GRIN3A: variants seen among roughly 807,000 people sequenced by gnomAD.
GRIN3A encodes glutamate ionotropic receptor NMDA type subunit 3A.
In GRIN3A, 47 loss-of-function variants were observed where a neutral mutation model predicts 92.4. The observed-to-expected ratio is 0.51, with a 90% CI of 0.40 to 0.65. The LOEUF (loss-of-function observed/expected upper bound fraction) is 0.65. Ranked by LOEUF, GRIN3A falls within the 30% of genes least tolerant of loss-of-function variation. The pLI, the probability that GRIN3A is intolerant of heterozygous loss-of-function variation, is 0.00. For missense variants in GRIN3A, 1,324 were observed against 1,393.1 expected, an observed-to-expected ratio of 0.95 and a Z score of 0.79; for synonymous variants, 527 against 540.6, an observed-to-expected ratio of 0.97 and a Z score of 0.35.
chr9:101,731,959 T>C (rs1189626000), intron 1 of GRIN3A, among the ~76,000 whole-genome samples: 1 of 152,228 alleles, frequency 6.6e-6, no homozygotes, highest in African/African-American at 2.4e-5. Flanking sequence ...TTCTTTCTTC[T>C]TGCCTAGTTT....
At chr9:101,687,616 T>C (rs2485533) in intron 1 of GRIN3A, among the ~76,000 whole-genome samples, 64,422 of 152,072 alleles carry the variant, frequency 0.42, 13,885 homozygotes, top group South Asian at 0.47. Context: ...TGTTTCTTTT[T>C]AAAATTAATG....
At chr9:101,720,175 AT>A (rs1317246982) in intron 1 of GRIN3A, among the ~76,000 whole-genome samples, 6 of 152,212 alleles carry the variant, frequency 3.9e-5, no homozygotes, top group Non-Finnish European at 7.3e-5. Context: ...CTGTTGCCAA[AT>A]TAGTACCAAG....
intron 1 of GRIN3A, among the ~76,000 whole-genome samples, chr9:101,719,096 C>A (rs763657699): frequency 6.6e-6 from 1 of 152,090 alleles, no homozygotes; most frequent in Non-Finnish European, 1.5e-5. Flanking sequence ...TACACCGATT[C>A]TCTTTCTGAC....
chr9:101,706,944 T>C (rs924909861), intron 1 of GRIN3A, among the ~76,000 whole-genome samples: 3 of 152,140 alleles, frequency 2.0e-5, no homozygotes, highest in African/African-American at 7.2e-5. Context: ...CACTTTCAAA[T>C]GAAACTCACA....
intron 3 of GRIN3A, among the ~76,000 whole-genome samples, chr9:101,641,792 T>TAAAA (rs10631033): frequency 1.4e-5 from 2 of 141,888 alleles, no homozygotes; most frequent in African/African-American, 5.2e-5. Context: ...ACAATAAAAT[T>TAAAA]AAAAAAAAAA....
chr9:101,619,704 A>G lies in GRIN3A; in HGVS notation c.2614+3614T>C, dbSNP rs574769771. Among the ~76,000 whole-genome samples, 9 of 152,348 alleles carry G rather than the reference A, an allele frequency of 5.9e-5. No individual in the cohort carries two copies. In the South Asian group the frequency reaches 1.2e-3, roughly 21 times the overall value. On this transcript the variant is annotated intron_variant, in intron 5 of 8. Coordinates refer to ENST00000361820, the MANE Select transcript of GRIN3A (RefSeq NM_133445.3). ...TTAAATAATTATTGGAAAGCAAGTA[A>G]AAGAACAAACTCATAAACAGGCAAA...
At chr9:101,734,357 T>C (rs1204610556) in intron 1 of GRIN3A, among the ~76,000 whole-genome samples, 2 of 152,048 alleles carry the variant, frequency 1.3e-5, no homozygotes, top group African/African-American at 4.8e-5. Context: ...TCAAGTGGGG[T>C]TTGAGTGTTG....
intron 6 of GRIN3A, among the ~76,000 whole-genome samples, chr9:101,587,741 G>T (rs988590444): frequency 6.6e-6 from 1 of 152,104 alleles, no homozygotes; most frequent in Non-Finnish European, 1.5e-5. Flanking sequence ...CGATGTTCAA[G>T]AATTTTTTTC....
intron 1 of GRIN3A, among the ~76,000 whole-genome samples, chr9:101,734,864 A>T (rs1830182624): frequency 1.3e-5 from 2 of 152,006 alleles, no homozygotes; most frequent in Admixed American, 1.3e-4. Flanking sequence ...AGTGGCACAC[A>T]ACCAACAAAT....
chr9:101,738,136 T>A lies in GRIN3A; in HGVS notation c.-157A>T, dbSNP rs1486088579. ...TGGAGCGGTCTCTAGGCCATGCAAG[T>A]TGGAGCGTAGCGCGCCTCCGGCAGT... On this transcript the variant is annotated 5_prime_UTR_variant, in exon 1 of 9. Coordinates refer to ENST00000361820, the MANE Select transcript of GRIN3A (RefSeq NM_133445.3). 4.2e-6 allele frequency: 3 copies of A among 721,894 alleles called. No homozygotes were observed. The highest frequency in any genetic ancestry group is 3.5e-5 in the African/African-American group (2 of 57,352). 44.7% of individuals were successfully genotyped at this position (721,894 alleles called of 1,614,324 possible).
At chr9:101,595,055 C>A in intron 6 of GRIN3A, 75 of 745,760 alleles carry the variant, frequency 1.0e-4, no homozygotes, top group Non-Finnish European at 9.4e-5. Context: ...CCTGGTCGAG[C>A]AAAAGGGCAG....
chr9:101,589,128 G>A (rs576135385), intron 6 of GRIN3A, among the ~76,000 whole-genome samples: 2 of 152,068 alleles, frequency 1.3e-5, no homozygotes, highest in South Asian at 2.1e-4. Context: ...GTGCCACCAC[G>A]CCTGGCTGAT....
rs2118952852 is a variant in GRIN3A at position 101,670,894 on chromosome 9, G to T, written c.1518C>A (p.His506Gln). The T allele has an allele frequency of 6.2e-7, 1 of 1,612,164 alleles. No individual in the cohort carries two copies. Among genetic ancestry groups the T allele is most frequent in the East Asian group, 2.2e-5 (1 of 44,808 alleles). Residue 506 changes from histidine to glutamine, a missense_variant, in exon 3 of 9, where the codon CAC (histidine) becomes CAA (glutamine). His to Gln is a conservative substitution (Grantham distance 24, BLOSUM62 0). Transcript: ENST00000361820. ...AGTGTAGCTTACTTGGATGTTGGAA[G>T]TGGGTTTTGTGTCTCTGGGCCTGCT... is the stretch of plus-strand genomic sequence containing the variant. ...WPEQAQRHKT[H>Q]FQHPSKLHLR... is the part of the protein sequence containing the mutation.
chr9:101,584,229 C>G (rs1827922770), intron 6 of GRIN3A, among the ~76,000 whole-genome samples: 1 of 152,162 alleles, frequency 6.6e-6, no homozygotes, highest in Non-Finnish European at 1.5e-5. Context: ...CTCTAGCCCA[C>G]CCCATCTCAC....
chr9:101,715,199 G>GAAA (rs1829928867), intron 1 of GRIN3A, among the ~76,000 whole-genome samples: 1 of 49,704 alleles, frequency 2.0e-5, no homozygotes, highest in African/African-American at 5.1e-5. Context: ...GACAAAAATG[G>GAAA]TAAAAAAAAA....
intron 3 of GRIN3A, among the ~76,000 whole-genome samples, chr9:101,652,181 G>A (rs1343581976): frequency 1.3e-5 from 2 of 152,036 alleles, no homozygotes; most frequent in East Asian, 3.9e-4. Context: ...GAGGTTCAGA[G>A]TATAAGTAAC....
At chr9:101,734,108 T>A (rs1337678) in intron 1 of GRIN3A, among the ~76,000 whole-genome samples, 151,068 of 152,126 alleles carry the variant, frequency 0.99, 75,013 homozygotes, top group East Asian at 1. Flanking sequence ...ATATTTTTTT[T>A]AAAAAATGTG....
intron 1 of GRIN3A, among the ~76,000 whole-genome samples, chr9:101,730,236 C>G (rs1830122166): frequency 6.6e-6 from 1 of 152,162 alleles, no homozygotes; most frequent in African/African-American, 2.4e-5. Flanking sequence ...GACTTCAAAA[C>G]AGCAGATTTC....
Position 101,686,946 on chromosome 9 carries a change from A to C in GRIN3A, c.954T>G (p.Ile318Met). 6.2e-7 allele frequency: 1 copy of C among 1,614,162 alleles called. No homozygotes were observed. Among genetic ancestry groups the C allele is most frequent in the Non-Finnish European group, 8.5e-7 (1 of 1,180,034 alleles). Residue 318 changes from isoleucine (I) to methionine (M), a missense_variant, in exon 2 of 9, where the codon ATT (isoleucine) becomes ATG (methionine). By Grantham distance (10) the Ile-to-Met change is conservative (BLOSUM62 1). Transcript: ENST00000361820. The part of the protein sequence containing the change: ...LSFLQIQLES[I>M]KNSTPTVVMF... Reference sequence around the variant, plus strand: ...TCACCACTGTGGGTGTGCTGTTCTTAATACTCTCAAGCTGGATCTGTAGGA... The same window carrying C: ...TCACCACTGTGGGTGTGCTGTTCTTCATACTCTCAAGCTGGATCTGTAGGA...
Sources: gnomAD v4.1 joint callset for allele counts (sites outside exome capture counted in the v4.1 genomes callset) on GRCh38, gnomAD v4.1.1 for gene constraint, MANE v1.5 for transcripts, NCBI Gene and HGNC (gene_info 2026-07-23, HGNC 2026-07-21) for gene names.